ZSCAN1: variants seen among roughly 807,000 people sequenced by gnomAD.
The protein encoded by ZSCAN1 is zinc finger and SCAN domain-containing protein 1.
In ZSCAN1, 23 loss-of-function variants were observed where a neutral mutation model predicts 23.8. The observed-to-expected ratio is 0.97, with a 90% CI of 0.70 to 1.37. The LOEUF is 1.37. ZSCAN1 is among the 40% of genes most tolerant of loss of function. The pLI is 0.00. For synonymous variants in ZSCAN1, 236 were observed against 232.3 expected, an observed-to-expected ratio of 1.02 and a Z score of -0.15; for missense variants, 575 against 554.0, an observed-to-expected ratio of 1.04 and a Z score of -0.38.
At chr19:58,043,726 C>T (rs947004213) in intron 4 of ZSCAN1, among the ~76,000 whole-genome samples, 2 of 152,054 alleles carry the variant, frequency 1.3e-5, no homozygotes, top group African/African-American at 2.4e-5. Context: ...CATGGCTCAC[C>T]GCAACCTCAA....
At chr19:58,036,767 A>T (rs1188885360) in intron 2 of ZSCAN1, among the ~76,000 whole-genome samples, 1 of 151,888 alleles carries the variant, frequency 6.6e-6, no homozygotes, top group African/African-American at 2.4e-5. Context: ...GCTTACTGCA[A>T]CCTCTGTTTC....
intron 1 of ZSCAN1, among the ~76,000 whole-genome samples, chr19:58,035,212 G>A (rs2073726444): frequency 6.6e-6 from 1 of 152,052 alleles, no homozygotes; most frequent in Non-Finnish European, 1.5e-5. Context: ...CTCCTCACCA[G>A]CCATGTAGAC....
chr19:58,054,122 G>A lies in ZSCAN1; in HGVS notation c.*71G>A. On this transcript the variant is annotated 3_prime_UTR_variant, in exon 6 of 6. Coordinates refer to ENST00000282326, the MANE Select transcript of ZSCAN1 (RefSeq NM_182572.4). This position sits in a 1 kb window ranked among gnomAD's most constrained non-coding sequence, Gnocchi z 4.2. ...GGAGCTGATGGGCCCCAGAAGATGG[G>A]GGACATCCCCCAGCCCCACCAACCC... 7.0e-7 allele frequency: 1 copy of A among 1,432,614 alleles called. No individual in the cohort carries two copies. The highest frequency in any genetic ancestry group is 9.1e-7 in the Non-Finnish European group (1 of 1,096,256). 88.7% of individuals were successfully genotyped at this position (1,432,614 alleles called of 1,614,324 possible).
Position 58,047,324 on chromosome 19 carries a change from G to A in ZSCAN1, c.466-5166G>A, listed in dbSNP as rs1037745599. On this transcript the variant is annotated intron_variant, in intron 4 of 5. Transcript: ENST00000282326. The surrounding 1 kb of genome is among the most constrained non-coding windows in gnomAD (Gnocchi z 4.9). The stretch of plus-strand genomic sequence containing the variant: ...AGACAGAGGTATCTGCCATCTCTGT[G>A]GCCTCTGGAGAGTGACGTCTCCCTG... Among the ~76,000 whole-genome samples, 2 of 152,240 alleles carry A rather than the reference G, an allele frequency of 1.3e-5. No homozygotes were observed. Among genetic ancestry groups the A allele is most frequent in the African/African-American group, 2.4e-5 (1 of 41,470 alleles).
chr19:58,044,930 G>C, intron 4 of ZSCAN1: 1 of 928,628 alleles, frequency 1.1e-6, no homozygotes, highest in Non-Finnish European at 1.8e-6. Flanking sequence ...CGCCCTGTTG[G>C]TGATGACTCG....
In ZSCAN1 at chr19:58,045,984, G is replaced by A. The variant is rs929105855; in HGVS notation, c.465+5440G>A. On this transcript the variant is annotated intron_variant, in intron 4 of 5. Transcript: ENST00000282326. This position sits in a 1 kb window ranked among gnomAD's most constrained non-coding sequence, Gnocchi z 4.3. Reference sequence around the variant, plus strand: ...TAGAGGCCACACTGCAGGAGAAGGCGACCATGCAGTAGGAGCACCGCGAGA... The same window carrying A: ...TAGAGGCCACACTGCAGGAGAAGGCAACCATGCAGTAGGAGCACCGCGAGA... 2 of 729,462 alleles carry A rather than the reference G, an allele frequency of 2.7e-6. No homozygotes were observed. Among genetic ancestry groups the A allele is most frequent in the African/African-American group, 1.7e-5 (1 of 57,154 alleles). 45.2% of individuals were successfully genotyped at this position (729,462 alleles called of 1,614,324 possible).
chr19:58,035,218 T>G (rs549799919), intron 1 of ZSCAN1, among the ~76,000 whole-genome samples: 3 of 152,248 alleles, frequency 2.0e-5, no homozygotes, highest in Admixed American at 1.3e-4. Context: ...ACCAGCCATG[T>G]AGACCTCAGT....
Position 58,038,117 on chromosome 19 carries a change from T to C in ZSCAN1, c.281T>C (p.Met94Thr), listed in dbSNP as rs202045043. 3 of 1,610,766 alleles carry C rather than the reference T, an allele frequency of 1.9e-6. No homozygotes were observed. The East Asian group carries it at 6.7e-5, about 36-fold the overall frequency. ...TTCCTGGGCGCGCTGCCCAGCAAGA[T>C]GCGGACCTGGGTGCAGTCACAGGGC... is the stretch of plus-strand genomic sequence containing the variant. Reference protein sequence around the residue: ...EQFLGALPSKMRTWVQSQGPR... With the variant: ...EQFLGALPSKTRTWVQSQGPR... The change falls in exon 3 of 6, where the codon ATG (methionine) becomes ACG (threonine). Residue 94 changes from methionine (M) to threonine (T), a missense_variant. Transcript: ENST00000282326.
intron 3 of ZSCAN1, chr19:58,038,551 A>T (rs993512050): frequency 1.9e-6 from 1 of 539,054 alleles, no homozygotes; most frequent in African/African-American, 2.0e-5. Flanking sequence ...CTCCTGCAAC[A>T]CTCAGGAATC....
rs778741213 is a variant in ZSCAN1 at position 58,053,817 on chromosome 19, C to T, written c.993C>T (p.His331=). Residue 331 remains histidine, a synonymous_variant, in exon 6 of 6, where the codon CAC becomes CAT. Transcript: ENST00000282326. The surrounding 1 kb of genome is among the most constrained non-coding windows in gnomAD (Gnocchi z 5.8). ...PCPECGKVFL[H]NSVLTEHGKI... ...CCGAGTGTGGCAAGGTCTTCCTGCA[C>T]AACTCCGTCCTCACTGAGCATGGCA... 6.2e-7 allele frequency: 1 copy of T among 1,614,150 alleles called. No homozygotes were observed. The highest frequency in any genetic ancestry group is 8.5e-7 in the Non-Finnish European group (1 of 1,180,018).
intron 1 of ZSCAN1, 40 bp from the exon 2 acceptor site, chr19:58,035,930 A>G (rs1230287016): frequency 1.0e-5 from 1 of 96,900 alleles, no homozygotes; most frequent in Non-Finnish European, 2.4e-5. Context: ...ATCCTTCCTA[A>G]AGATGTCTTG....
downstream of ZSCAN1, among the ~76,000 whole-genome samples, chr19:58,056,321 T>C (rs929610533): frequency 2.0e-5 from 3 of 152,166 alleles, no homozygotes; most frequent in Non-Finnish European, 4.4e-5. Context: ...TCACTGTGTC[T>C]CCACCTGACT....
rs191507568 is a variant in ZSCAN1 at position 58,047,160 on chromosome 19, C to T, written c.466-5330C>T. Among the ~76,000 whole-genome samples, 157 of 152,340 alleles carry T rather than the reference C, an allele frequency of 1.0e-3. No individual in the cohort carries two copies. Among genetic ancestry groups the T allele is most frequent in the African/African-American group, 3.5e-3 (147 of 41,582 alleles). ...CACGGAGCTGGCTGCTACGCCCACC[C>T]TCAGAGGCGTCAGGAGACACAGCCT... On this transcript the variant is annotated intron_variant, in intron 4 of 5. Transcript: ENST00000282326. The surrounding 1 kb of genome is among the most constrained non-coding windows in gnomAD (Gnocchi z 4.9).
chr19:58,035,020 G>T (rs932489948), intron 1 of ZSCAN1, among the ~76,000 whole-genome samples: 2 of 151,896 alleles, frequency 1.3e-5, no homozygotes, highest in Non-Finnish European at 2.9e-5. Flanking sequence ...ATAGAATTTG[G>T]GGCTCGGGCT....
At position 58,046,234 on chromosome 19, in the gene ZSCAN1, CAGA is replaced by C. The variant is rs1210714574; in HGVS notation, c.465+5696_465+5698del. The C allele has an allele frequency of 4.0e-5, 31 of 772,578 alleles. No individual in the cohort carries two copies. In the East Asian group the frequency reaches 5.4e-4, roughly 13 times the overall value. 47.9% of individuals were successfully genotyped at this position (772,578 alleles called of 1,614,324 possible). On this transcript the variant is annotated intron_variant, in intron 4 of 5. Transcript: ENST00000282326. Reference sequence around the variant, plus strand: ...CAATGCCTGCTCTAAGCTGCAGGAACAGAAGAAGTCACTCACCAGGAAGAAGGA... The same window carrying C: ...CAATGCCTGCTCTAAGCTGCAGGAACAGAAGTCACTCACCAGGAAGAAGGA...
At position 58,053,371 on chromosome 19, in the gene ZSCAN1, G is replaced by A. The variant is rs868684912; in HGVS notation, c.605-58G>A. On this transcript the variant is annotated intron_variant, in intron 5 of 5. Transcript: ENST00000282326. The surrounding 1 kb of genome is among the most constrained non-coding windows in gnomAD (Gnocchi z 5.8). ...GTCCTCCGTGCCCCTGGGGAGCACA[G>A]GGAGATGCCAAGGCCATCCACTCAC... 3.5e-5 allele frequency: 55 copies of A among 1,556,994 alleles called. No individual in the cohort carries two copies. The highest frequency in any genetic ancestry group is 1.4e-5 in the Non-Finnish European group (16 of 1,149,194).
rs375303541 is a variant in ZSCAN1, at chr19:58,053,901, G to C, written c.1077G>C (p.Glu359Asp). ...CCCCCCGGAGCAAGGGCCCCCGGGA[G>C]TCCGTCCCACCCAGGGATGGAGCCC... ...KKAPRSKGPR[E>D]SVPPRDGAQG... The change falls in exon 6 of 6, where the codon GAG becomes GAC. Residue 359 changes from glutamate (E) to aspartate (D), a missense_variant. Coordinates refer to ENST00000282326, the MANE Select transcript of ZSCAN1 (RefSeq NM_182572.4). This position sits in a 1 kb window ranked among gnomAD's most constrained non-coding sequence, Gnocchi z 5.8. The C allele has an allele frequency of 6.2e-7, 1 of 1,613,194 alleles. No individual in the cohort carries two copies. The highest frequency in any genetic ancestry group is 1.1e-5 in the South Asian group (1 of 91,052).
At chr19:58,055,367 TC>T (rs1356733427), downstream of ZSCAN1, among the ~76,000 whole-genome samples, 1 of 152,154 alleles carries the variant, frequency 6.6e-6, no homozygotes, top group East Asian at 1.9e-4. Flanking sequence ...GCTTGCCTTC[TC>T]GGAGCGCCCC....
rs2073869759 is a variant in ZSCAN1, at chr19:58,053,166, T to G, written c.605-263T>G. On this transcript the variant is annotated intron_variant, in intron 5 of 5. Coordinates refer to ENST00000282326, the MANE Select transcript of ZSCAN1 (RefSeq NM_182572.4). This position sits in a 1 kb window ranked among gnomAD's most constrained non-coding sequence, Gnocchi z 5.8. Reference sequence around the variant, plus strand: ...TAGAGACGGGGTTTCACCATGTTGGTCAGGCTGGTGTCTAACTCCTCACCT... The same window carrying G: ...TAGAGACGGGGTTTCACCATGTTGGGCAGGCTGGTGTCTAACTCCTCACCT... Among the ~76,000 whole-genome samples the G allele has an allele frequency of 6.6e-6, 1 of 151,736 alleles. No individual in the cohort carries two copies. The highest frequency in any genetic ancestry group is 6.6e-5 in the Admixed American group (1 of 15,222).
Sources: gnomAD v4.1 joint callset for allele counts (sites outside exome capture counted in the v4.1 genomes callset) on GRCh38, gnomAD v4.1.1 for gene constraint, Gnocchi (gnomAD v3.1) non-coding constraint, MANE v1.5 for transcripts, NCBI Gene and HGNC (gene_info 2026-07-23, HGNC 2026-07-21) for gene names.